The following TANGO6 variants were observed in gnomAD, a reference collection of about 807,000 sequenced individuals.
TANGO6 encodes the protein transport and Golgi organization protein 6 homolog.
A neutral mutation model predicts 114.2 loss-of-function variants in TANGO6; 90 were observed. The ratio of observed to expected loss-of-function variants is 0.79; its 90% confidence interval spans 0.66 to 0.94. TANGO6 has a LOEUF of 0.94. Among genes scored for constraint, TANGO6 ranks in the 40% least tolerant of loss-of-function variants. The pLI is 0.00. For synonymous variants in TANGO6, 477 were observed against 509.8 expected, an observed-to-expected ratio of 0.94 and a Z score of 0.87; for missense variants, 1,274 against 1,315.3, an observed-to-expected ratio of 0.97 and a Z score of 0.49.
At chr16:68,862,246 G>T (rs969302111) in intron 2 of TANGO6, among the ~76,000 whole-genome samples, 2 of 152,072 alleles carry the variant, frequency 1.3e-5, no homozygotes, top group African/African-American at 4.8e-5. Flanking sequence ...ATGGAGGCTT[G>T]CTCTGTTGCC....
chr16:68,974,320 C>T (rs1016618716), intron 15 of TANGO6, among the ~76,000 whole-genome samples, 152 bp downstream of exon 15: 1 of 152,118 alleles, frequency 6.6e-6, no homozygotes, highest in African/African-American at 2.4e-5. Context: ...GGAAATATTC[C>T]GATGTCTACT....
At chr16:68,854,059 CTG>C (rs1961947020) in intron 1 of TANGO6, among the ~76,000 whole-genome samples, 1 of 152,140 alleles carries the variant, frequency 6.6e-6, no homozygotes, top group Non-Finnish European at 1.5e-5. Context: ...TTCTCCCTAT[CTG>C]TGGCTTGCCT....
intron 1 of TANGO6, among the ~76,000 whole-genome samples, chr16:68,849,766 G>A (rs570670069): frequency 1.3e-5 from 2 of 152,080 alleles, no homozygotes; most frequent in East Asian, 3.9e-4. Flanking sequence ...TAAATCTTGA[G>A]TTCTTACCAG....
rs114905047 is a variant in TANGO6 at position 68,859,500 on chromosome 16, C to T, written c.95-384C>T. Among the ~76,000 whole-genome samples the T allele has an allele frequency of 5.9e-3, 895 of 152,284 alleles. 9 individuals are homozygous for T. The highest frequency in any genetic ancestry group is 0.019 in the African/African-American group (800 of 41,550). On this transcript the variant is annotated intron_variant, in intron 1 of 17. Coordinates refer to ENST00000261778, the MANE Select transcript of TANGO6 (RefSeq NM_024562.2). ...CCTTTGTTCTGTTCAGTGCTTTATCCCCAGCACCTAGAACAGCTGGACTGA... is the reference window on the plus strand; with the variant it reads ...CCTTTGTTCTGTTCAGTGCTTTATCTCCAGCACCTAGAACAGCTGGACTGA...
At chr16:68,861,787 G>C (rs1962096261) in intron 2 of TANGO6, among the ~76,000 whole-genome samples, 1 of 152,140 alleles carries the variant, frequency 6.6e-6, no homozygotes, top group African/African-American at 2.4e-5. Flanking sequence ...CTCAGTATGT[G>C]AAACGGTAAT....
At chr16:68,956,758 CAGG>C (rs1437992370) in intron 14 of TANGO6, among the ~76,000 whole-genome samples, 1 of 152,032 alleles carries the variant, frequency 6.6e-6, no homozygotes, top group African/African-American at 2.4e-5. Flanking sequence ...GAGGCTGAGG[CAGG>C]AGAATCACTT....
At chr16:69,003,128 T>G (rs548561267) in intron 15 of TANGO6, among the ~76,000 whole-genome samples, 1 of 152,114 alleles carries the variant, frequency 6.6e-6, no homozygotes, top group Non-Finnish European at 1.5e-5. Context: ...AAGCCCTTTT[T>G]TCCCCCCTCA....
chr16:68,847,045 C>T (rs1207893986), intron 1 of TANGO6, among the ~76,000 whole-genome samples: 3 of 152,042 alleles, frequency 2.0e-5, no homozygotes, highest in Non-Finnish European at 4.4e-5. Flanking sequence ...CATGCGCCAC[C>T]ACGCCCTGCT....
intron 14 of TANGO6, among the ~76,000 whole-genome samples, chr16:68,967,228 A>G (rs1809205540): frequency 6.6e-6 from 1 of 152,066 alleles, no homozygotes; most frequent in Non-Finnish European, 1.5e-5. Context: ...GAGGGCGGGG[A>G]TGGTTTCAGG....
chr16:69,050,834 A>G (rs1270486175), intron 17 of TANGO6, among the ~76,000 whole-genome samples: 1 of 151,784 alleles, frequency 6.6e-6, no homozygotes, highest in Non-Finnish European at 1.5e-5. Context: ...TATGTTGCCC[A>G]GGCTGGTCTC....
chr16:69,025,206 A>G (rs1292383984), intron 16 of TANGO6, among the ~76,000 whole-genome samples: 1 of 152,240 alleles, frequency 6.6e-6, no homozygotes, highest in Admixed American at 6.5e-5. Context: ...TACCACATTC[A>G]GCAGTTCCCA....
chr16:69,049,694 C>A lies in TANGO6; in HGVS notation c.3108+9273C>A, dbSNP rs1959919007. ...TGATCCACCACCCCTCCCCGCCCAGCCTCCCAAAATGCTAGGATTACAGGC... is the reference window on the plus strand; with the variant it reads ...TGATCCACCACCCCTCCCCGCCCAGACTCCCAAAATGCTAGGATTACAGGC... On this transcript the variant is annotated intron_variant, in intron 17 of 17. Transcript: ENST00000261778. Among the ~76,000 whole-genome samples, 4 of 152,146 alleles carry A rather than the reference C, an allele frequency of 2.6e-5. No homozygotes were observed. The South Asian group carries it at 8.3e-4, about 32-fold the overall frequency.
At chr16:68,986,585 A>G (rs983013806) in intron 15 of TANGO6, among the ~76,000 whole-genome samples, 1 of 152,122 alleles carries the variant, frequency 6.6e-6, no homozygotes, top group African/African-American at 2.4e-5. Context: ...GCAGCTCCAG[A>G]ATGAAGCCAT....
At chr16:69,027,544 C>T in intron 16 of TANGO6, among the ~76,000 whole-genome samples, 1 of 152,002 alleles carries the variant, frequency 6.6e-6, no homozygotes. Context: ...ATGGATTTAG[C>T]AAATATCTTG....
intron 14 of TANGO6, among the ~76,000 whole-genome samples, chr16:68,942,908 T>A (rs1299746128): frequency 1.3e-5 from 2 of 151,104 alleles, no homozygotes; most frequent in African/African-American, 4.8e-5. Flanking sequence ...TTTAATTTTT[T>A]TTTTTTTTTT....
chr16:68,994,732 G>A (rs973560882), intron 15 of TANGO6, among the ~76,000 whole-genome samples: 5 of 151,006 alleles, frequency 3.3e-5, no homozygotes, highest in African/African-American at 7.3e-5. Context: ...ACACCACCAC[G>A]TCCAGCTAAT....
intron 7 of TANGO6, among the ~76,000 whole-genome samples, chr16:68,895,935 TTTTAA>T (rs1302285869): frequency 3.3e-5 from 5 of 152,104 alleles, no homozygotes; most frequent in African/African-American, 1.2e-4. Context: ...AACTTTTTAA[TTTTAA>T]TTTTATTTTA....
At chr16:69,017,529 C>T (rs934044502) in intron 15 of TANGO6, among the ~76,000 whole-genome samples, 5 of 152,084 alleles carry the variant, frequency 3.3e-5, no homozygotes, top group Non-Finnish European at 7.4e-5. Flanking sequence ...TGACAAGGAA[C>T]CTTCTTCCTT....
At chr16:68,956,422 G>C (rs1963530522) in intron 14 of TANGO6, among the ~76,000 whole-genome samples, 1 of 152,124 alleles carries the variant, frequency 6.6e-6, no homozygotes, top group Non-Finnish European at 1.5e-5. Context: ...TCTAACAGAA[G>C]GCCCTCCAAC....
Sources: gnomAD v4.1 joint callset for allele counts (sites outside exome capture counted in the v4.1 genomes callset) on GRCh38, gnomAD v4.1.1 for gene constraint, MANE v1.5 for transcripts, NCBI Gene and HGNC (gene_info 2026-07-23, HGNC 2026-07-21) for gene names.